The following LDB3 variants were observed in gnomAD, a reference collection of about 807,000 sequenced individuals.
LDB3 encodes the protein LIM domain-binding protein 3.
A neutral mutation model predicts 69.0 loss-of-function variants in LDB3; 49 were observed. The observed-to-expected ratio is 0.71, with a 90% CI of 0.56 to 0.90. The LOEUF (loss-of-function observed/expected upper bound fraction) is 0.90, where lower values mean the gene tolerates loss of function less well. LDB3 is among the 40% of genes least tolerant of loss of function. The pLI is 0.00. For missense variants in LDB3, 928 were observed against 974.1 expected (o/e 0.95, Z 0.63); for synonymous variants, 387 against 396.2 (o/e 0.98, Z 0.28).
intron 7 of LDB3, among the ~76,000 whole-genome samples, chr10:86,694,654 A>T (rs1333745093): frequency 6.6e-6 from 1 of 152,190 alleles, no homozygotes; most frequent in Admixed American, 6.5e-5. Context: ...CATGTCACTG[A>T]ATCCCAAGCA....
intron 12 of LDB3, among the ~76,000 whole-genome samples, chr10:86,721,073 G>A (rs572773641): frequency 6.6e-6 from 1 of 152,174 alleles, no homozygotes; most frequent in Non-Finnish European, 1.5e-5. Flanking sequence ...GCCTCCTGAA[G>A]TGCTGGGATT....
chr10:86,708,161 C>A (rs560222850), intron 8 of LDB3, among the ~76,000 whole-genome samples: 4 of 152,358 alleles, frequency 2.6e-5, no homozygotes, highest in Admixed American at 6.5e-5. Flanking sequence ...GGATGCCCCC[C>A]ACAGGGGGAG....
At chr10:86,714,560 T>C (rs986271782) in intron 9 of LDB3, among the ~76,000 whole-genome samples, 2 of 149,720 alleles carry the variant, frequency 1.3e-5, no homozygotes, top group African/African-American at 4.9e-5. Context: ...TATCTTTTTT[T>C]TTTTTTTTTT....
intron 7 of LDB3, among the ~76,000 whole-genome samples, chr10:86,701,232 G>A (rs1039083518): frequency 1.1e-4 from 16 of 152,214 alleles, no homozygotes; most frequent in African/African-American, 2.4e-5. Flanking sequence ...TTTTACAGAG[G>A]ACTTGCAAGG....
At chr10:86,725,056 C>T (rs1448360817) in intron 12 of LDB3, among the ~76,000 whole-genome samples, 1 of 152,180 alleles carries the variant, frequency 6.6e-6, no homozygotes, top group Non-Finnish European at 1.5e-5. Context: ...ACATACTATC[C>T]ACAAGAAGAA....
At chr10:86,707,039 C>T (rs528551590) in intron 8 of LDB3, among the ~76,000 whole-genome samples, 2 of 146,692 alleles carry the variant, frequency 1.4e-5, no homozygotes, top group Non-Finnish European at 3.0e-5. Context: ...GACACATACA[C>T]ACACTCATAC....
chr10:86,689,014 C>T (rs1159978781), intron 5 of LDB3, among the ~76,000 whole-genome samples: 2 of 151,384 alleles, frequency 1.3e-5, no homozygotes, highest in Non-Finnish European at 2.9e-5. Context: ...TTAACGCAGC[C>T]ACGCTGAGCT....
chr10:86,692,715 C>T, intron 7 of LDB3, 144 bp downstream of exon 7: 2 of 782,260 alleles, frequency 2.6e-6, no homozygotes, highest in East Asian at 2.6e-5. Context: ...CCAGCTGACA[C>T]TAGCTTGAGG....
chr10:86,730,749 G>A (rs1351598619), intron 13 of LDB3, among the ~76,000 whole-genome samples: 1 of 152,208 alleles, frequency 6.6e-6, no homozygotes, highest in Non-Finnish European at 1.5e-5. Context: ...TATATAGAGT[G>A]TCTGGCATCC....
chr10:86,707,638 T>A (rs1158205629), intron 8 of LDB3, among the ~76,000 whole-genome samples: 2 of 152,180 alleles, frequency 1.3e-5, no homozygotes, highest in Non-Finnish European at 2.9e-5. Context: ...CCTCCCACCC[T>A]GGCCCCCACG....
chr10:86,723,073 C>T (rs1411617342), intron 12 of LDB3, among the ~76,000 whole-genome samples: 1 of 151,444 alleles, frequency 6.6e-6, no homozygotes, highest in Non-Finnish European at 1.5e-5. Flanking sequence ...TCAAGAACAG[C>T]TTGGACAATA....
Position 86,736,070 on chromosome 10 carries a change from A to G in LDB3, c.*3094A>G, listed in dbSNP as rs1017584214. ...AAAGCCCCCCAAAGGATGTGCAAATACAGATTTTTCTGTGTAAAATTTTTC... is the reference window on the plus strand; with the variant it reads ...AAAGCCCCCCAAAGGATGTGCAAATGCAGATTTTTCTGTGTAAAATTTTTC... On this transcript the variant is annotated 3_prime_UTR_variant, in exon 14 of 14. Transcript: ENST00000361373. 1.1e-4 allele frequency: 17 copies of G among 152,202 alleles called. 1 individual carries two copies. Among genetic ancestry groups the G allele is most frequent in the Admixed American group, 9.2e-4 (14 of 15,294 alleles). 9.4% of individuals were successfully genotyped at this position (152,202 alleles called of 1,614,324 possible).
rs544218947 is a variant in LDB3, at chr10:86,714,009, A to C, written c.1232-2318A>C. ...AGGCCATGAGACAGGCTGACAGTAC[A>C]TCTGACCCTGACACCCAGGTTGCCC... On this transcript the variant is annotated intron_variant, in intron 9 of 13. Coordinates refer to ENST00000361373, the MANE Select transcript of LDB3 (RefSeq NM_007078.3). Among the ~76,000 whole-genome samples the C allele has an allele frequency of 3.9e-5, 6 of 152,334 alleles. No homozygotes were observed. The East Asian group carries it at 1.2e-3, about 29-fold the overall frequency.
rs542250010 is a variant in LDB3, at chr10:86,692,430, T to C, written c.860-105T>C. ...TGGACAGGCAAGGGGGCAGTCACCGTGTGGGGCCTGGCTGAATCCTGGGGA... is the reference window on the plus strand; with the variant it reads ...TGGACAGGCAAGGGGGCAGTCACCGCGTGGGGCCTGGCTGAATCCTGGGGA... On this transcript the variant is annotated intron_variant, in intron 6 of 13. Coordinates refer to ENST00000361373, the MANE Select transcript of LDB3 (RefSeq NM_007078.3). The C allele has an allele frequency of 5.0e-5, 58 of 1,155,338 alleles. No homozygotes were observed. The African/African-American group carries it at 7.4e-4, about 15-fold the overall frequency. 71.6% of individuals were successfully genotyped at this position (1,155,338 alleles called of 1,614,324 possible). A position where few individuals can be genotyped will look rare whatever the true frequency, so the allele number is the denominator to read the frequency against.
At chr10:86,668,459 T>C, upstream of LDB3, 1 of 608,388 alleles carries the variant, frequency 1.6e-6, no homozygotes, top group Non-Finnish European at 3.0e-6. Flanking sequence ...ACAGTCCATT[T>C]ATGGGCGCAG....
chr10:86,691,808 G>A (rs1254807931), intron 5 of LDB3, 88 bp from the exon 6 acceptor site: 5 of 1,445,680 alleles, frequency 3.5e-6, no homozygotes, highest in African/African-American at 2.8e-5. Context: ...AACGATAGGG[G>A]CCACCAATGG....
chr10:86,692,310 C>T (rs940569862), intron 6 of LDB3, among the ~76,000 whole-genome samples: 4 of 152,240 alleles, frequency 2.6e-5, no homozygotes, highest in South Asian at 2.1e-4. Flanking sequence ...GTGCAACTTC[C>T]GGGCGAGATG....
intron 7 of LDB3, among the ~76,000 whole-genome samples, chr10:86,704,736 G>A (rs1384897622): frequency 2.0e-5 from 3 of 152,068 alleles, no homozygotes; most frequent in Admixed American, 6.6e-5. Context: ...CCACCACCAC[G>A]CCTGGCTGAT....
At position 86,720,724 on chromosome 10, in the gene LDB3, G is replaced by A. The variant is rs535760000; in HGVS notation, c.1978+1877G>A. 5.9e-5 allele frequency among the ~76,000 whole-genome samples: 9 copies of A among 152,284 alleles called. No individual in the cohort carries two copies. In the South Asian group the frequency reaches 1.9e-3, roughly 32 times the overall value. ...TATTATTTGAGATAAGCCGCAATTT[G>A]TGTCTGAGGCTTTTGAAAGAATGAT... is the stretch of plus-strand genomic sequence containing the variant. On this transcript the variant is annotated intron_variant, in intron 12 of 13. Transcript: ENST00000361373.
Sources: gnomAD v4.1 joint callset for allele counts (sites outside exome capture counted in the v4.1 genomes callset) on GRCh38, gnomAD v4.1.1 for gene constraint, MANE v1.5 for transcripts, NCBI Gene and HGNC (gene_info 2026-07-23, HGNC 2026-07-21) for gene names.